Variants in KLHDC1 observed in about 807,000 individuals in gnomAD.
The protein encoded by KLHDC1 is kelch domain-containing protein 1.
Under a neutral mutation model 68.3 loss-of-function variants are expected in KLHDC1, and 53 were observed. The ratio of observed to expected loss-of-function variants is 0.78; its 90% confidence interval spans 0.62 to 0.98. KLHDC1 has a LOEUF of 0.98. Among genes scored for constraint, KLHDC1 ranks in the 50% least tolerant of loss-of-function variants. KLHDC1 has a pLI of 0.00. For synonymous variants in KLHDC1, 148 were observed against 159.0 expected, an observed-to-expected ratio of 0.93 and a Z score of 0.52; for missense variants, 470 against 492.3, an observed-to-expected ratio of 0.95 and a Z score of 0.43.
At chr14:49,726,162 T>C (rs957083481) in intron 6 of KLHDC1, among the ~76,000 whole-genome samples, 1 of 152,210 alleles carries the variant, frequency 6.6e-6, no homozygotes, top group African/African-American at 2.4e-5. Context: ...GTTATTTGGA[T>C]TTTTGTAATT....
chr14:49,706,572 A>G (rs1361965424), intron 1 of KLHDC1, among the ~76,000 whole-genome samples: 1 of 152,184 alleles, frequency 6.6e-6, no homozygotes, highest in Non-Finnish European at 1.5e-5. Flanking sequence ...TCTCCATAGT[A>G]GTTGTACTAA....
intron 4 of KLHDC1, among the ~76,000 whole-genome samples, chr14:49,713,829 TATATATA>T (rs1566602868): frequency 0.04 from 395 of 9,944 alleles, 74 homozygotes; most frequent in African/African-American, 0.047. Flanking sequence ...TATATATATA[TATATATA>T]TATATATATA....
At chr14:49,729,627 C>A in intron 8 of KLHDC1, 79 bp downstream of exon 8, 1 of 897,886 alleles carries the variant, frequency 1.1e-6, no homozygotes, top group South Asian at 1.5e-5. Flanking sequence ...AAATGTGAGT[C>A]TTTAAAACTG....
intron 6 of KLHDC1, among the ~76,000 whole-genome samples, chr14:49,727,256 A>C (rs1277930156): frequency 3.5e-5 from 5 of 142,784 alleles, no homozygotes; most frequent in Non-Finnish European, 7.5e-5. Flanking sequence ...GTCTGTACCA[A>C]AAAAAAAAAA....
At chr14:49,707,093 T>C (rs184757591) in intron 1 of KLHDC1, among the ~76,000 whole-genome samples, 7 of 152,306 alleles carry the variant, frequency 4.6e-5, no homozygotes, top group African/African-American at 1.7e-4. Context: ...CCATGTTTTC[T>C]TGTAGTTGTT....
At chr14:49,713,759 C>T (rs1382320939) in intron 4 of KLHDC1, among the ~76,000 whole-genome samples, 7 of 135,558 alleles carry the variant, frequency 5.2e-5, no homozygotes, top group Admixed American at 1.6e-4. Context: ...TGGTGGCGTA[C>T]GCCTGTGGTC....
intron 9 of KLHDC1, 146 bp downstream of exon 9, chr14:49,732,962 T>C (rs10136379): frequency 0.97 from 564,086 of 581,412 alleles, 275,687 homozygotes; most frequent in East Asian, 1. Context: ...TGAATTATGA[T>C]CTCCTTGCTT....
intron 12 of KLHDC1, among the ~76,000 whole-genome samples, chr14:49,744,495 T>G (rs1889145240): frequency 6.6e-6 from 1 of 152,116 alleles, no homozygotes; most frequent in Non-Finnish European, 1.5e-5. Flanking sequence ...TGTTATATAG[T>G]CATTCCTTGG....
At chr14:49,749,350 C>G (rs1412719533) in intron 12 of KLHDC1, among the ~76,000 whole-genome samples, 2 of 151,896 alleles carry the variant, frequency 1.3e-5, no homozygotes, top group Non-Finnish European at 2.9e-5. Context: ...TTAGTAATGG[C>G]TATATAGGTT....
intron 4 of KLHDC1, 117 bp downstream of exon 4, chr14:49,710,498 A>C: frequency 1.6e-6 from 1 of 617,594 alleles, no homozygotes; most frequent in Non-Finnish European, 2.9e-6. Flanking sequence ...TTGATTTTCT[A>C]AATAATCAAT....
intron 5 of KLHDC1, among the ~76,000 whole-genome samples, chr14:49,724,794 A>G (rs191419082): frequency 1.2e-4 from 18 of 151,118 alleles, no homozygotes; most frequent in Admixed American, 7.3e-4. Context: ...TAAGCTAATT[A>G]TCATGTCCTG....
intron 1 of KLHDC1, chr14:49,708,849 G>C (rs1045675228): frequency 1.8e-5 from 3 of 170,932 alleles, no homozygotes; most frequent in Admixed American, 1.3e-4. Flanking sequence ...TTAATATTCT[G>C]CTCTAAATCT....
chr14:49,735,748 G>A (rs138388568), intron 10 of KLHDC1, among the ~76,000 whole-genome samples: 67 of 152,190 alleles, frequency 4.4e-4, no homozygotes, highest in South Asian at 3.1e-3. Context: ...GGTGGCTCAC[G>A]CCTATTAATC....
At chr14:49,708,069 G>T (rs1888104846) in intron 1 of KLHDC1, among the ~76,000 whole-genome samples, 1 of 104,382 alleles carries the variant, frequency 9.6e-6, no homozygotes, top group Non-Finnish European at 1.9e-5. Context: ...TAAAACTCTA[G>T]CTTTTTTTTT....
intron 4 of KLHDC1, among the ~76,000 whole-genome samples, chr14:49,713,163 C>T (rs1393956553): frequency 6.6e-6 from 1 of 150,454 alleles, no homozygotes; most frequent in Non-Finnish European, 1.5e-5. Flanking sequence ...ACCGTGTTAG[C>T]CAGGGTGGTC....
intron 12 of KLHDC1, among the ~76,000 whole-genome samples, chr14:49,746,405 G>T (rs963806454): frequency 2.0e-5 from 3 of 152,096 alleles, no homozygotes; most frequent in African/African-American, 7.2e-5. Flanking sequence ...CTACATTTGA[G>T]GGGGAGGGAG....
At chr14:49,735,084 A>C (rs1888900636) in intron 10 of KLHDC1, among the ~76,000 whole-genome samples, 1 of 152,086 alleles carries the variant, frequency 6.6e-6, no homozygotes, top group African/African-American at 2.4e-5. Flanking sequence ...ATGTTGATCC[A>C]ATGGATGGCA....
In KLHDC1 at chr14:49,693,271, A is replaced by G. The variant is rs982596430; in HGVS notation, c.77A>G (p.Tyr26Cys). Residue 26 changes from tyrosine to cysteine, a missense_variant, in exon 1 of 13, where the codon TAC becomes TGC. Coordinates refer to ENST00000359332, the MANE Select transcript of KLHDC1 (RefSeq NM_172193.3). The stretch of plus-strand genomic sequence containing the variant: ...GCCGTGGTGGACGGAAACTTCCTCT[A>G]CGTGTGGGGGGGCTACGTGGTAAGG... ...HCAVVDGNFL[Y>C]VWGGYVSIED... The G allele has an allele frequency of 1.9e-6, 3 of 1,558,950 alleles. No individual in the cohort carries two copies. The highest frequency in any genetic ancestry group is 2.6e-6 in the Non-Finnish European group (3 of 1,154,068).
chr14:49,693,999 G>T (rs2139722935), intron 1 of KLHDC1, among the ~76,000 whole-genome samples: 1 of 151,938 alleles, frequency 6.6e-6, no homozygotes, highest in East Asian at 1.9e-4. Context: ...TGATCCGCCC[G>T]CCTTGGCTTC....
Sources: gnomAD v4.1 joint callset for allele counts (sites outside exome capture counted in the v4.1 genomes callset) on GRCh38, gnomAD v4.1.1 for gene constraint, MANE v1.5 for transcripts, NCBI Gene and HGNC (gene_info 2026-07-23, HGNC 2026-07-21) for gene names.